LRRC8A: variants seen among roughly 807,000 people sequenced by gnomAD.
LRRC8A encodes the protein volume-regulated anion channel subunit LRRC8A.
LRRC8A carries 24 observed loss-of-function variants against 52.5 expected under a neutral mutation model. The ratio of observed to expected loss-of-function variants is 0.46; its 90% CI spans 0.33 to 0.64. The LOEUF (loss-of-function observed/expected upper bound fraction) is 0.64, where lower values mean the gene tolerates loss of function less well. Ranked by LOEUF, LRRC8A falls within the 30% of genes least tolerant of loss-of-function variation. LRRC8A has a pLI of 0.02. For synonymous variants in LRRC8A, 492 were observed against 494.2 expected, an observed-to-expected ratio of 1.00 and a Z score of 0.06; for missense variants, 677 against 1,094.7, an observed-to-expected ratio of 0.62 and a Z score of 5.38.
intron 2 of LRRC8A, among the ~76,000 whole-genome samples, chr9:128,893,789 T>C (rs147233223): frequency 1.3e-5 from 2 of 152,328 alleles, no homozygotes; most frequent in African/African-American, 4.8e-5. Context: ...GACAGCCCTC[T>C]ACAGTCTCAC....
intron 2 of LRRC8A, among the ~76,000 whole-genome samples, chr9:128,904,997 CAAAAAAAAAAAAA>C (rs770042979): frequency 6.7e-5 from 2 of 29,846 alleles, no homozygotes; most frequent in Non-Finnish European, 1.4e-4. Context: ...GACTCCGTCT[CAAAAAAAAAAAAA>C]AAAAAAAAAA....
chr9:128,884,888 C>A (rs1403820042), intron 1 of LRRC8A: 1 of 152,262 alleles, frequency 6.6e-6, no homozygotes, highest in Non-Finnish European at 1.5e-5. Flanking sequence ...CCCATGACGG[C>A]GGAGACCATC....
chr9:128,901,767 C>T (rs778646891), intron 2 of LRRC8A, among the ~76,000 whole-genome samples: 3 of 152,262 alleles, frequency 2.0e-5, no homozygotes, highest in Non-Finnish European at 2.9e-5. Flanking sequence ...TCTTCATCCT[C>T]GGCAAGAGCC....
intron 2 of LRRC8A, among the ~76,000 whole-genome samples, chr9:128,887,734 C>T (rs956883657): frequency 3.3e-5 from 5 of 151,936 alleles, no homozygotes; most frequent in East Asian, 1.9e-4. Flanking sequence ...CTCTGCCTCC[C>T]GGGTTCACTC....
intron 2 of LRRC8A, among the ~76,000 whole-genome samples, chr9:128,904,733 A>T (rs111458230): frequency 2.8e-4 from 43 of 151,978 alleles, no homozygotes; most frequent in African/African-American, 1.0e-3. Flanking sequence ...GGTGGTTCAC[A>T]CCTGTAATCC....
intron 2 of LRRC8A, among the ~76,000 whole-genome samples, chr9:128,894,825 A>G (rs1839763250): frequency 6.6e-6 from 1 of 151,960 alleles, no homozygotes; most frequent in African/African-American, 2.4e-5. Flanking sequence ...CATATTTCCT[A>G]ATTTTTTTCA....
At chr9:128,883,024 C>T in intron 1 of LRRC8A, 1 of 362,250 alleles carries the variant, frequency 2.8e-6, no homozygotes, top group Non-Finnish European at 4.9e-6. Context: ...TGATCTGGAC[C>T]GGGGTGAACC....
chr9:128,904,867 G>T (rs1296926378), intron 2 of LRRC8A, among the ~76,000 whole-genome samples: 1 of 151,884 alleles, frequency 6.6e-6, no homozygotes, highest in Non-Finnish European at 1.5e-5. Context: ...TGTGGTGGGC[G>T]GGTGCCTGTA....
At chr9:128,884,006 A>G (rs73669984) in intron 1 of LRRC8A, among the ~76,000 whole-genome samples, 8,401 of 151,088 alleles carry the variant, frequency 0.056, 276 homozygotes, top group African/African-American at 0.096. Context: ...GAGCGGGGGC[A>G]CAGGAAATGT....
At chr9:128,895,109 C>A (rs1260797976) in intron 2 of LRRC8A, among the ~76,000 whole-genome samples, 2 of 152,050 alleles carry the variant, frequency 1.3e-5, no homozygotes, top group Admixed American at 1.3e-4. Context: ...TGGCTTCTTT[C>A]GCAGATAACA....
In LRRC8A at chr9:128,907,375, G is replaced by C. The variant is rs144778925; in HGVS notation, c.211G>C (p.Gly71Arg). 24 of 1,613,530 alleles carry C rather than the reference G, an allele frequency of 1.5e-5. No individual in the cohort carries two copies. Among genetic ancestry groups the C allele is most frequent in the Non-Finnish European group, 1.9e-5 (23 of 1,179,994 alleles). Residue 71 changes from glycine to arginine, a missense_variant, in exon 3 of 4, where the codon GGC becomes CGC. Gly to Arg is a moderately radical substitution (Grantham distance 125). Around this residue, in one of 4 missense-constraint regions of LRRC8A, gnomAD observed 54 missense variants for 49.7 expected, o/e 1.09. Coordinates refer to ENST00000372600, the MANE Select transcript of LRRC8A (RefSeq NM_019594.4). The surrounding 1 kb of genome is among the most constrained non-coding windows in gnomAD (Gnocchi z 9.3). ...TKDSCNDSFR[G>R]WAAPGPEPTY... is the part of the protein sequence containing the mutation. ...GGACTCCTGCAATGATTCGTTCCGGGGCTGGGCAGCCCCTGGCCCGGAGCC... is the reference window on the plus strand; with the variant it reads ...GGACTCCTGCAATGATTCGTTCCGGCGCTGGGCAGCCCCTGGCCCGGAGCC...
At chr9:128,890,669 TC>T (rs1839581074) in intron 2 of LRRC8A, among the ~76,000 whole-genome samples, 1 of 152,026 alleles carries the variant, frequency 6.6e-6, no homozygotes, top group African/African-American at 2.4e-5. Flanking sequence ...CCCCCAGTCC[TC>T]CCCCTGGCTC....
At chr9:128,898,203 T>C (rs1029409785) in intron 2 of LRRC8A, among the ~76,000 whole-genome samples, 3 of 152,140 alleles carry the variant, frequency 2.0e-5, no homozygotes, top group Non-Finnish European at 4.4e-5. Flanking sequence ...TTCCCTTATC[T>C]GATCATTGAG....
Position 128,907,414 on chromosome 9 carries a change from T to C in LRRC8A, c.250T>C (p.Ser84Pro). The change falls in exon 3 of 4, where the codon TCC becomes CCC. Residue 84 changes from serine to proline, a missense_variant. Ser to Pro is a moderately conservative substitution (Grantham distance 74). This residue lies in a region of LRRC8A where 54 missense variants were observed against 49.7 expected (regional missense o/e 1.09). Coordinates refer to ENST00000372600, the MANE Select transcript of LRRC8A (RefSeq NM_019594.4). This position sits in a 1 kb window ranked among gnomAD's most constrained non-coding sequence, Gnocchi z 9.3. ...APGPEPTYPNSTILPTPDTGP... is the reference protein window; with the variant it reads ...APGPEPTYPNPTILPTPDTGP... ...TGGCCCGGAGCCCACCTACCCCAAC[T>C]CCACCATTCTGCCGACCCCTGACAC... 6.2e-7 allele frequency: 1 copy of C among 1,613,238 alleles called. No individual in the cohort carries two copies.
In LRRC8A at chr9:128,916,060, C is replaced by T. The variant is rs753526503; in HGVS notation, c.2158-36C>T. On this transcript the variant is annotated intron_variant, in intron 3 of 3. Coordinates refer to ENST00000372600, the MANE Select transcript of LRRC8A (RefSeq NM_019594.4). This position sits in a 1 kb window ranked among gnomAD's most constrained non-coding sequence, Gnocchi z 6.1. ...CCCAGAGGCCCCGTCCAAGCCCACA[C>T]CCACCTCACTCTCACCCCTGCTTTT... The T allele has an allele frequency of 9.5e-6, 15 of 1,570,736 alleles. No homozygotes were observed. Among genetic ancestry groups the T allele is most frequent in the Middle Eastern group, 1.7e-4 (1 of 5,894 alleles).
At chr9:128,889,477 T>G (rs1839518404) in intron 2 of LRRC8A, among the ~76,000 whole-genome samples, 1 of 147,944 alleles carries the variant, frequency 6.8e-6, no homozygotes, top group South Asian at 2.1e-4. Context: ...CTGGACAGGT[T>G]TTTTTTTTTT....
rs1364556142 is a variant in LRRC8A, at chr9:128,892,860, C to T, written c.-9+6739C>T. On this transcript the variant is annotated intron_variant, in intron 2 of 3. Transcript: ENST00000372600. The surrounding 1 kb of genome is among the most constrained non-coding windows in gnomAD (Gnocchi z 5.2). ...TGGTACAGGAGGGGTGCCAACCTCC[C>T]GCCTCCCCTCCTGCTTGGGAAGTTT... Among the ~76,000 whole-genome samples the T allele has an allele frequency of 6.6e-6, 1 of 152,138 alleles. No homozygotes were observed. The highest frequency in any genetic ancestry group is 1.5e-5 in the Non-Finnish European group (1 of 68,016).
rs550476600 is a variant in LRRC8A at position 128,902,367 on chromosome 9, G to A, written c.-8-4790G>A. 6.6e-6 allele frequency among the ~76,000 whole-genome samples: 1 copy of A among 152,148 alleles called. No individual in the cohort carries two copies. The highest frequency in any genetic ancestry group is 6.5e-5 in the Admixed American group (1 of 15,278). ...CTGTGAGCCTCAGTTTCCCTCACCT[G>A]TGTGACTGAGCTGGGAACACTTCCT... On this transcript the variant is annotated intron_variant, in intron 2 of 3. Transcript: ENST00000372600. This position sits in a 1 kb window ranked among gnomAD's most constrained non-coding sequence, Gnocchi z 4.1.
chr9:128,905,328 A>G (rs1183829446), intron 2 of LRRC8A, among the ~76,000 whole-genome samples: 3 of 152,168 alleles, frequency 2.0e-5, no homozygotes, highest in African/African-American at 7.2e-5. Context: ...TATGTTCTCC[A>G]GGGAACATCT....
Sources: gnomAD v4.1 joint callset for allele counts (sites outside exome capture counted in the v4.1 genomes callset) on GRCh38, gnomAD v4.1.1 for gene constraint, gnomAD v4.1.1 regional missense constraint, Gnocchi (gnomAD v3.1) non-coding constraint, MANE v1.5 for transcripts, NCBI Gene and HGNC (gene_info 2026-07-23, HGNC 2026-07-21) for gene names.